NTM: variants seen among roughly 807,000 people sequenced by gnomAD.
The protein encoded by NTM is IgLON family member 2.
NTM carries 13 observed loss-of-function variants against 42.1 expected under a neutral mutation model. The ratio of observed to expected loss-of-function variants is 0.31; its 90% CI spans 0.20 to 0.49. NTM has a LOEUF of 0.49. Among genes scored for constraint, NTM ranks in the 20% least tolerant of loss-of-function variants. NTM has a pLI of 0.99. For synonymous variants in NTM, 187 were observed against 179.2 expected (o/e 1.04, Z -0.35); for missense variants, 373 against 452.8 (o/e 0.82, Z 1.60).
chr11:131,528,331 T>G (rs1417536776), intron 1 of NTM, among the ~76,000 whole-genome samples: 1 of 150,878 alleles, frequency 6.6e-6, no homozygotes, highest in Non-Finnish European at 1.5e-5. Flanking sequence ...AACTGGCATT[T>G]ATTAAGCACT....
intron 1 of NTM, chr11:131,910,170 A>G (rs1341471242): frequency 6.6e-6 from 1 of 152,226 alleles, no homozygotes; most frequent in Non-Finnish European, 1.5e-5. Context: ...GTACTACTGA[A>G]TAACTATGAG....
chr11:132,258,953 C>G (rs1169659557), intron 4 of NTM, among the ~76,000 whole-genome samples: 1 of 152,178 alleles, frequency 6.6e-6, no homozygotes, highest in Non-Finnish European at 1.5e-5. Flanking sequence ...TTGGAAGCAT[C>G]TTCTGTGTTT....
At chr11:131,757,159 C>T (rs1428398019) in intron 1 of NTM, among the ~76,000 whole-genome samples, 1 of 152,198 alleles carries the variant, frequency 6.6e-6, no homozygotes, top group African/African-American at 2.4e-5. Context: ...ATTCCAGTTT[C>T]CACCCAATAG....
chr11:132,041,369 T>G (rs1273160829), intron 2 of NTM, among the ~76,000 whole-genome samples: 1 of 152,184 alleles, frequency 6.6e-6, no homozygotes, highest in Non-Finnish European at 1.5e-5. Context: ...CAAGTGTATC[T>G]GAAGACAAGA....
chr11:131,396,855 T>C (rs1944620432), intron 1 of NTM, among the ~76,000 whole-genome samples: 1 of 151,730 alleles, frequency 6.6e-6, no homozygotes, highest in Non-Finnish European at 1.5e-5. Flanking sequence ...ATGGGGAACA[T>C]AAATGTGAAC....
Position 131,878,595 on chromosome 11 carries a change from ATATAT to A in NTM, c.83-32968_83-32964del, listed in dbSNP as rs1378439482. On this transcript the variant is annotated intron_variant, in intron 1 of 8. Transcript: ENST00000683400. ...AAAAAAAAAAAAAAAAAAAAAAAAA[ATATAT>A]ATATATATATATATATATATATATA... Among the ~76,000 whole-genome samples the A allele has an allele frequency of 1.1e-3, 12 of 11,140 alleles. 1 individual carries two copies. Among genetic ancestry groups the A allele is most frequent in the African/African-American group, 2.5e-3 (10 of 3,978 alleles). The allele number at this position is 11,140 out of a possible 152,430, so 7.3% of individuals were successfully genotyped here. A position where few individuals can be genotyped will look rare whatever the true frequency, so the allele number is the denominator to read the frequency against.
At chr11:132,253,106 G>C (rs1299042052) in intron 4 of NTM, among the ~76,000 whole-genome samples, 1 of 152,196 alleles carries the variant, frequency 6.6e-6, no homozygotes, top group East Asian at 1.9e-4. Context: ...AATGTTTCTA[G>C]AATGGTAACT....
At chr11:132,333,693 C>T (rs930816439) in intron 8 of NTM, among the ~76,000 whole-genome samples, 1 of 152,110 alleles carries the variant, frequency 6.6e-6, no homozygotes, top group Non-Finnish European at 1.5e-5. Context: ...CTGAGAAGTT[C>T]CGGCCTTAGG....
intron 1 of NTM, among the ~76,000 whole-genome samples, chr11:131,391,679 A>C (rs535200697): frequency 6.7e-4 from 101 of 150,488 alleles, no homozygotes; most frequent in African/African-American, 2.4e-3. Flanking sequence ...GAAAAGAAGA[A>C]GGCTAGGATT....
In NTM at chr11:131,405,087, G is replaced by A. The variant is rs756871272; in HGVS notation, c.82+34199G>A. ...AATTTTTTTGTTGAGACACATGAAA[G>A]GTTGTCTGTTACGCTTCAACCTAAG... is the stretch of plus-strand genomic sequence containing the variant. On this transcript the variant is annotated intron_variant, in intron 1 of 8. Transcript: ENST00000683400. Among the ~76,000 whole-genome samples, 7 of 152,266 alleles carry A rather than the reference G, an allele frequency of 4.6e-5. No homozygotes were observed. In the South Asian group the frequency reaches 8.3e-4, roughly 18 times the overall value.
At chr11:132,086,296 C>G (rs10791193) in intron 2 of NTM, among the ~76,000 whole-genome samples, 79,036 of 143,216 alleles carry the variant, frequency 0.55, 21,856 homozygotes, top group African/African-American at 0.6. Context: ...TGCACTCCAG[C>G]TTGGATGACA....
chr11:131,947,990 G>A (rs2060528869), intron 2 of NTM, among the ~76,000 whole-genome samples: 1 of 152,068 alleles, frequency 6.6e-6, no homozygotes, highest in Non-Finnish European at 1.5e-5. Flanking sequence ...ATTATCAAAT[G>A]GTAAGATGGT....
At chr11:131,874,757 A>C (rs2048324871) in intron 1 of NTM, among the ~76,000 whole-genome samples, 2 of 152,228 alleles carry the variant, frequency 1.3e-5, no homozygotes, top group Admixed American at 1.3e-4. Flanking sequence ...GTTAATCCAA[A>C]GATTAATCAG....
chr11:131,852,958 TCATCCATCCACC>T (rs202113887), intron 1 of NTM, among the ~76,000 whole-genome samples: 2,167 of 136,766 alleles, frequency 0.016, 50 homozygotes, highest in African/African-American at 0.055. Flanking sequence ...ATTCATCCAC[TCATCCATCCACC>T]CATTTATTCA....
intron 1 of NTM, among the ~76,000 whole-genome samples, chr11:131,407,037 G>A (rs764501731): frequency 1.3e-5 from 2 of 152,204 alleles, no homozygotes; most frequent in Non-Finnish European, 2.9e-5. Flanking sequence ...CCACAGAGTA[G>A]CATTTACGTT....
At chr11:131,435,875 G>A (rs929989135) in intron 1 of NTM, among the ~76,000 whole-genome samples, 4 of 152,178 alleles carry the variant, frequency 2.6e-5, no homozygotes, top group African/African-American at 9.7e-5. Flanking sequence ...AGTTTTCAAA[G>A]GGAATGCTTC....
At chr11:131,633,620 C>CCT (rs111781828) in intron 1 of NTM, among the ~76,000 whole-genome samples, 5 of 109,060 alleles carry the variant, frequency 4.6e-5, no homozygotes, top group African/African-American at 7.6e-5. Flanking sequence ...TCACTCTCTC[C>CCT]CTCTCTCTAT....
chr11:131,464,080 T>G (rs2136129365), intron 1 of NTM, among the ~76,000 whole-genome samples: 1 of 152,316 alleles, frequency 6.6e-6, no homozygotes, highest in Middle Eastern at 3.4e-3. Context: ...GTTTCCTCTC[T>G]CTGGAGATTG....
intron 1 of NTM, among the ~76,000 whole-genome samples, chr11:131,617,522 C>T (rs188925945): frequency 1.3e-4 from 20 of 152,218 alleles, no homozygotes; most frequent in Non-Finnish European, 5.9e-5. Flanking sequence ...TGAGTCCCCT[C>T]GTGACTGCCT....
Sources: allele counts gnomAD v4.1 joint callset (sites outside exome capture counted in the v4.1 genomes callset), GRCh38; gene constraint gnomAD v4.1.1; transcripts MANE v1.5; gene names NCBI Gene and HGNC (gene_info 2026-07-23, HGNC 2026-07-21).